Variants in RANBP1 observed in about 807,000 individuals in gnomAD.
RANBP1 encodes RAN binding protein 1.
RANBP1 carries 16 observed loss-of-function variants against 31.4 expected under a neutral mutation model. That is an observed-to-expected ratio of 0.51 (90% CI 0.34 to 0.77). The LOEUF is 0.77. Among genes scored for constraint, RANBP1 ranks in the 30% least tolerant of loss-of-function variants. The pLI, the probability that RANBP1 is intolerant of heterozygous loss-of-function variation, is 0.01. For missense variants in RANBP1, 265 were observed against 362.0 expected (o/e 0.73, Z 2.17); for synonymous variants, 129 against 140.5 (o/e 0.92, Z 0.58).
chr22:20,117,514 G>C (rs996699226), intron 1 of RANBP1: 2 of 1,313,308 alleles, frequency 1.5e-6, no homozygotes, highest in Admixed American at 3.9e-5. Flanking sequence ...GGTTCGGGTC[G>C]TGGGGCGGAG....
intron 1 of RANBP1, chr22:20,118,012 C>T (rs2050082381): frequency 5.0e-6 from 5 of 994,714 alleles, no homozygotes; most frequent in Non-Finnish European, 6.0e-6. Flanking sequence ...TGGGGCTCCC[C>T]ACTAGTACGG....
At chr22:20,126,164 G>A in intron 4 of RANBP1, 139 bp from the exon 5 acceptor site, 1 of 1,025,626 alleles carries the variant, frequency 9.8e-7, no homozygotes, top group Non-Finnish European at 1.4e-6. Context: ...CAGGGCCGAT[G>A]TCAGGTGGAC....
chr22:20,119,008 C>T lies in RANBP1; in HGVS notation c.247-5C>T. On this transcript the variant is annotated splice_polypyrimidine_tract_variant and splice_region_variant and intron_variant, in intron 1 of 5. Transcript: ENST00000430524. ...CAGCAGTGTAACCTCTTTGTATCTCCACAGGACACTCATGAGGACCATGAT... is the reference window on the plus strand; with the variant it reads ...CAGCAGTGTAACCTCTTTGTATCTCTACAGGACACTCATGAGGACCATGAT... 6.2e-7 allele frequency: 1 copy of T among 1,611,752 alleles called. No homozygotes were observed. The highest frequency in any genetic ancestry group is 8.5e-7 in the Non-Finnish European group (1 of 1,179,690).
intron 2 of RANBP1, among the ~76,000 whole-genome samples, chr22:20,120,104 C>A (rs1173030356): frequency 6.6e-6 from 1 of 152,184 alleles, no homozygotes; most frequent in African/African-American, 2.4e-5. Flanking sequence ...ATCCCCCCAT[C>A]CTTGAAGTTG....
chr22:20,121,555 GT>G (rs141334911), intron 2 of RANBP1, among the ~76,000 whole-genome samples: 2 of 151,134 alleles, frequency 1.3e-5, no homozygotes, highest in Non-Finnish European at 3.0e-5. Context: ...GTTTTGTTTT[GT>G]TTTTTTTTAA....
chr22:20,125,635 C>G (rs1323051979), intron 4 of RANBP1, 199 bp downstream of exon 4: 8 of 1,466,564 alleles, frequency 5.5e-6, no homozygotes, highest in East Asian at 2.6e-5. Flanking sequence ...CCCTTAAACT[C>G]AAAGCTGTGC....
chr22:20,117,046 G>C (rs2147969462), intron 1 of RANBP1: 1 of 1,139,786 alleles, frequency 8.8e-7, no homozygotes, highest in Middle Eastern at 2.2e-4. Flanking sequence ...GTGCAACGCC[G>C]CGAGGTCGCC....
intron 3 of RANBP1, chr22:20,124,335 G>A (rs114855038): frequency 6.6e-6 from 1 of 152,310 alleles, no homozygotes; most frequent in Non-Finnish European, 1.5e-5. Context: ...GCAGTGGGTA[G>A]AGGCTGGCTT....
At chr22:20,125,593 TG>T (rs1459619370) in intron 4 of RANBP1, 157 bp downstream of exon 4, 5 of 1,521,156 alleles carry the variant, frequency 3.3e-6, no homozygotes, top group Non-Finnish European at 4.4e-6. Flanking sequence ...TTGGGGGCCA[TG>T]CCCAGACTGA....
rs980703883 is a variant in RANBP1, at chr22:20,125,304, T to C, written c.542-4T>C. ...ACCATCTTCACGAGCTTCTCTCTCT[T>C]CAGTCACGCCGATGATGGAGCTGAA... On this transcript the variant is annotated splice_polypyrimidine_tract_variant and splice_region_variant and intron_variant, in intron 3 of 5. Coordinates refer to ENST00000430524, the MANE Select transcript of RANBP1 (RefSeq NM_001278639.2). 1.5e-5 allele frequency: 24 copies of C among 1,611,398 alleles called. No individual in the cohort carries two copies. The highest frequency in any genetic ancestry group is 1.9e-5 in the Non-Finnish European group (22 of 1,179,846).
At position 20,126,318 on chromosome 22, in the gene RANBP1, A is replaced by G. The variant is rs757190321; in HGVS notation, c.686A>G (p.Lys229Arg). 6.2e-6 allele frequency: 10 copies of G among 1,613,388 alleles called. No homozygotes were observed. Among genetic ancestry groups the G allele is most frequent in the Middle Eastern group, 1.7e-4 (1 of 6,040 alleles). ...FLNAENAQKF[K>R]TKFEECRKEI... ...CCTTCCACAGATGCACAGAAATTCA[A>G]AACAAAGTTTGAAGAATGCAGGAAA... Residue 229 changes from lysine (K) to arginine (R), a missense_variant, in exon 5 of 6, where the codon AAA becomes AGA. Lys to Arg is a conservative substitution (Grantham distance 26). Around this residue, in one of 3 missense-constraint regions of RANBP1, gnomAD observed 90 missense variants for 190.5 expected, o/e 0.47. Transcript: ENST00000430524.
At chr22:20,118,478 A>C (rs1464050806) in intron 1 of RANBP1, among the ~76,000 whole-genome samples, 2 of 152,200 alleles carry the variant, frequency 1.3e-5, no homozygotes, top group Non-Finnish European at 1.5e-5. Context: ...ATCCAGTGTA[A>C]ATACTAGCAG....
At chr22:20,119,739 T>A (rs1414350648) in intron 2 of RANBP1, among the ~76,000 whole-genome samples, 1 of 152,138 alleles carries the variant, frequency 6.6e-6, no homozygotes, top group Non-Finnish European at 1.5e-5. Flanking sequence ...ATGGTCTCGA[T>A]CTCCTGACCT....
chr22:20,118,189 C>T (rs1349715525), intron 1 of RANBP1: 20 of 1,002,008 alleles, frequency 2.0e-5, no homozygotes, highest in Non-Finnish European at 2.3e-5. Flanking sequence ...TGGTTGAGTG[C>T]GGGCCGCTGC....
chr22:20,117,335 C>G, intron 1 of RANBP1: 1 of 1,164,756 alleles, frequency 8.6e-7, no homozygotes. Context: ...GCGGGTGTCG[C>G]CGGGAGTGCG....
At chr22:20,117,387 C>T in intron 1 of RANBP1, 2 of 1,209,972 alleles carry the variant, frequency 1.7e-6, no homozygotes, top group East Asian at 3.8e-5. Context: ...GCGCCGCGGG[C>T]GTTTTGGCGG....
chr22:20,118,123 G>T, intron 1 of RANBP1: 7 of 1,000,734 alleles, frequency 7.0e-6, no homozygotes, highest in Non-Finnish European at 8.4e-6. Context: ...GTTCCAGCGT[G>T]GGGCACAGGT....
Position 20,117,365 on chromosome 22 carries a change from C to T in RANBP1, c.246+935C>T, listed in dbSNP as rs1176939537. The T allele has an allele frequency of 9.1e-6, 11 of 1,213,966 alleles. No homozygotes were observed. In the South Asian group the frequency reaches 1.7e-4, roughly 19 times the overall value. The allele number at this position is 1,213,966 out of a possible 1,614,324, so 75.2% of individuals were successfully genotyped here. A position where few individuals can be genotyped will look rare whatever the true frequency, so the allele number is the denominator to read the frequency against. Reference sequence around the variant, plus strand: ...AGTGCGCGCTCCTCTGGCTGACGGGCGGGCCGGGCATGCGCCGCGGGCGTT... The same window carrying T: ...AGTGCGCGCTCCTCTGGCTGACGGGTGGGCCGGGCATGCGCCGCGGGCGTT... On this transcript the variant is annotated intron_variant, in intron 1 of 5. Transcript: ENST00000430524.
chr22:20,125,617 C>G, intron 4 of RANBP1, 181 bp downstream of exon 4: 1 of 1,495,486 alleles, frequency 6.7e-7, no homozygotes, highest in Non-Finnish European at 8.9e-7. Context: ...CCATGAGCAG[C>G]GCCTTCCCCC....
Sources: gnomAD v4.1 joint callset for allele counts (sites outside exome capture counted in the v4.1 genomes callset) on GRCh38, gnomAD v4.1.1 for gene constraint, gnomAD v4.1.1 regional missense constraint, MANE v1.5 for transcripts, NCBI Gene and HGNC (gene_info 2026-07-23, HGNC 2026-07-21) for gene names.